The following NSMCE2 variants were observed in gnomAD, a reference collection of about 807,000 sequenced individuals.
NSMCE2 encodes NSE2 SUMO ligase component of SMC5/6 complex, also known as E3 SUMO-protein ligase NSE2.
In NSMCE2, 24 loss-of-function variants were observed where a neutral mutation model predicts 23.8. That is an observed-to-expected ratio of 1.01 (90% CI 0.73 to 1.42). The LOEUF (loss-of-function observed/expected upper bound fraction) is 1.42, where lower values mean the gene tolerates loss of function less well. Ranked by LOEUF, NSMCE2 falls within the 40% of genes most tolerant of loss-of-function variation. The pLI, the probability that NSMCE2 is intolerant of heterozygous loss-of-function variation, is 0.00. For synonymous variants in NSMCE2, 92 were observed against 94.1 expected, an observed-to-expected ratio of 0.98 and a Z score of 0.13; for missense variants, 284 against 296.5, an observed-to-expected ratio of 0.96 and a Z score of 0.31.
intron 7 of NSMCE2, among the ~76,000 whole-genome samples, chr8:125,359,330 C>T (rs1476791776): frequency 1.7e-4 from 18 of 102,894 alleles, no homozygotes; most frequent in East Asian, 3.1e-4. Context: ...TGCTCTTTCT[C>T]TTTTTTTTTT....
chr8:125,140,847 A>G (rs1317386160), intron 3 of NSMCE2, among the ~76,000 whole-genome samples: 1 of 152,144 alleles, frequency 6.6e-6, no homozygotes, highest in East Asian at 1.9e-4. Flanking sequence ...TGTTGAAAAT[A>G]TGTTGCCTGG....
chr8:125,235,544 T>G (rs2130959921), intron 5 of NSMCE2, among the ~76,000 whole-genome samples: 1 of 152,298 alleles, frequency 6.6e-6, no homozygotes, highest in Non-Finnish European at 1.5e-5. Flanking sequence ...ACACGAGAGG[T>G]TATATATAGA....
At chr8:125,292,503 G>A (rs1258747478) in intron 5 of NSMCE2, among the ~76,000 whole-genome samples, 1 of 151,836 alleles carries the variant, frequency 6.6e-6, no homozygotes, top group Admixed American at 6.6e-5. Context: ...GCAGTGAGCT[G>A]AGATCACGCC....
intron 3 of NSMCE2, among the ~76,000 whole-genome samples, chr8:125,140,679 A>G (rs1586499358): frequency 6.6e-6 from 1 of 152,006 alleles, no homozygotes; most frequent in South Asian, 2.1e-4. Flanking sequence ...TTTAAGCCTC[A>G]CTTTCTTTTG....
At chr8:125,170,236 G>A (rs1822111185) in intron 4 of NSMCE2, among the ~76,000 whole-genome samples, 1 of 151,794 alleles carries the variant, frequency 6.6e-6, no homozygotes, top group South Asian at 2.1e-4. Flanking sequence ...AAAACCAGCT[G>A]TTCCTCCTGA....
intron 5 of NSMCE2, among the ~76,000 whole-genome samples, chr8:125,305,502 A>G (rs1475268708): frequency 6.6e-6 from 1 of 152,178 alleles, no homozygotes; most frequent in Admixed American, 6.5e-5. Context: ...TCAGGCAGAG[A>G]TATCTTGAAG....
intron 3 of NSMCE2, among the ~76,000 whole-genome samples, chr8:125,103,034 G>A (rs1409631367): frequency 6.6e-5 from 10 of 152,284 alleles, no homozygotes; most frequent in African/African-American, 2.4e-4. Context: ...TTGGGAGGCC[G>A]AGGCCGGCAG....
chr8:125,296,062 A>T (rs1242263134), intron 5 of NSMCE2, among the ~76,000 whole-genome samples: 2 of 152,042 alleles, frequency 1.3e-5, no homozygotes, highest in Non-Finnish European at 2.9e-5. Flanking sequence ...TTGATTAATT[A>T]AAAAAAATAG....
chr8:125,359,145 C>CAGT (rs1250508462), intron 7 of NSMCE2, among the ~76,000 whole-genome samples: 1 of 151,214 alleles, frequency 6.6e-6, no homozygotes, highest in African/African-American at 2.4e-5. Context: ...CAGGCGCCTA[C>CAGT]AGTCCCAGCT....
intron 5 of NSMCE2, among the ~76,000 whole-genome samples, chr8:125,311,437 T>C (rs940915398): frequency 4.6e-5 from 7 of 152,216 alleles, no homozygotes; most frequent in Admixed American, 2.0e-4. Flanking sequence ...ACATAGATAA[T>C]AAAAACATTT....
intron 4 of NSMCE2, among the ~76,000 whole-genome samples, chr8:125,156,727 TTAGA>T (rs1168632702): frequency 1.3e-5 from 2 of 152,180 alleles, no homozygotes; most frequent in African/African-American, 4.8e-5. Flanking sequence ...CAAAGCAATC[TTAGA>T]TATAATAAAG....
At chr8:125,142,036 G>A (rs1315323346) in intron 3 of NSMCE2, among the ~76,000 whole-genome samples, 5 of 152,130 alleles carry the variant, frequency 3.3e-5, no homozygotes, top group Admixed American at 6.6e-5. Flanking sequence ...AACCTAGAGA[G>A]CTAAGAGAGC....
chr8:125,260,878 CCT>C (rs1222525807), intron 5 of NSMCE2, among the ~76,000 whole-genome samples: 1 of 152,004 alleles, frequency 6.6e-6, no homozygotes, highest in Non-Finnish European at 1.5e-5. Context: ...CCTGCCTTGG[CCT>C]CTCAAAGTGC....
intron 4 of NSMCE2, among the ~76,000 whole-genome samples, chr8:125,175,409 G>A (rs1423314124): frequency 6.6e-6 from 1 of 152,184 alleles, no homozygotes; most frequent in Non-Finnish European, 1.5e-5. Context: ...GGCATACTTA[G>A]AGTACTAGTA....
chr8:125,263,387 A>G (rs1826781592), intron 5 of NSMCE2, among the ~76,000 whole-genome samples: 1 of 152,188 alleles, frequency 6.6e-6, no homozygotes, highest in Non-Finnish European at 1.5e-5. Flanking sequence ...GGAAGAAACT[A>G]GAAGGTTACT....
intron 7 of NSMCE2, among the ~76,000 whole-genome samples, chr8:125,359,330 C>CTTTTTTTTTTTTT (rs34421417): frequency 9.7e-6 from 1 of 102,892 alleles, no homozygotes; most frequent in Non-Finnish European, 1.9e-5. Context: ...TGCTCTTTCT[C>CTTTTTTTTTTTTT]TTTTTTTTTT....
At chr8:125,331,077 G>A (rs1256079096) in intron 5 of NSMCE2, among the ~76,000 whole-genome samples, 1 of 152,164 alleles carries the variant, frequency 6.6e-6, no homozygotes, top group Non-Finnish European at 1.5e-5. Context: ...TGAGGCAGGC[G>A]GATCACGAGG....
chr8:125,198,772 C>T (rs1321829708), intron 5 of NSMCE2, among the ~76,000 whole-genome samples: 1 of 152,154 alleles, frequency 6.6e-6, no homozygotes. Context: ...GTACCAGCTC[C>T]TCTTTGTACC....
At chr8:125,108,618 A>G (rs1818584467) in intron 3 of NSMCE2, among the ~76,000 whole-genome samples, 1 of 152,242 alleles carries the variant, frequency 6.6e-6, no homozygotes, top group Admixed American at 6.5e-5. Context: ...CTCAGCCACA[A>G]TGTTAATTCA....
Sources: allele counts gnomAD v4.1 joint callset (sites outside exome capture counted in the v4.1 genomes callset), GRCh38; gene constraint gnomAD v4.1.1; transcripts MANE v1.5; gene names NCBI Gene and HGNC (gene_info 2026-07-23, HGNC 2026-07-21).